The following NCS1 variants were observed in gnomAD, a reference collection of about 807,000 sequenced individuals.
NCS1 encodes neuronal calcium sensor 1.
In NCS1, 6 loss-of-function variants were observed where a neutral mutation model predicts 28.4. The ratio of observed to expected loss-of-function variants is 0.21; its 90% CI spans 0.12 to 0.42. The LOEUF (loss-of-function observed/expected upper bound fraction) is 0.42, where lower values mean the gene tolerates loss of function less well. Ranked by LOEUF, NCS1 falls within the 10% of genes least tolerant of loss-of-function variation. NCS1 has a pLI of 1.00. For synonymous variants in NCS1, 86 were observed against 99.3 expected (o/e 0.87, Z 0.79); for missense variants, 131 against 241.4 (o/e 0.54, Z 3.03).
chr9:130,196,737 C>A (rs1832882810), intron 1 of NCS1, among the ~76,000 whole-genome samples: 1 of 151,884 alleles, frequency 6.6e-6, no homozygotes, highest in Non-Finnish European at 1.5e-5. Flanking sequence ...GAGGGAGACT[C>A]CTCAAAAAAA....
At chr9:130,194,608 C>A (rs1343737351) in intron 1 of NCS1, among the ~76,000 whole-genome samples, 4 of 152,152 alleles carry the variant, frequency 2.6e-5, no homozygotes, top group Admixed American at 6.5e-5. Context: ...GGAGTTTATA[C>A]CCCATCCTAC....
intron 2 of NCS1, among the ~76,000 whole-genome samples, chr9:130,208,965 T>C (rs1356145008): frequency 1.3e-5 from 2 of 152,066 alleles, no homozygotes; most frequent in Non-Finnish European, 2.9e-5. Flanking sequence ...GCTTCTTGCT[T>C]TCTTGCTCTG....
intron 7 of NCS1, among the ~76,000 whole-genome samples, chr9:130,227,971 G>A (rs1588127231): frequency 6.6e-6 from 1 of 152,244 alleles, no homozygotes; most frequent in East Asian, 1.9e-4. Flanking sequence ...TCATCTGAAG[G>A]TTTGGCTGGT....
intron 1 of NCS1, among the ~76,000 whole-genome samples, chr9:130,183,239 A>C (rs554121315): frequency 5.1e-4 from 77 of 152,068 alleles, no homozygotes; most frequent in Non-Finnish European, 1.0e-3. Context: ...CAGTCTCTCC[A>C]TCTGTTCCAC....
chr9:130,189,831 G>A (rs1832789479), intron 1 of NCS1, among the ~76,000 whole-genome samples: 1 of 127,732 alleles, frequency 7.8e-6, no homozygotes, highest in South Asian at 2.5e-4. Context: ...CAGCCTGGGT[G>A]ACAGAGCTAG....
rs868934553 is a variant in NCS1 at position 130,219,577 on chromosome 9, C to G, written c.229-148C>G. 5.6e-6 allele frequency: 4 copies of G among 713,092 alleles called. No individual in the cohort carries two copies. The highest frequency in any genetic ancestry group is 3.5e-5 in the African/African-American group (2 of 57,600). The allele number at this position is 713,092 out of a possible 1,614,324, so 44.2% of individuals were successfully genotyped here. A position where few individuals can be genotyped will look rare whatever the true frequency, so the allele number is the denominator to read the frequency against. On this transcript the variant is annotated intron_variant, in intron 3 of 7. Coordinates refer to ENST00000372398, the MANE Select transcript of NCS1 (RefSeq NM_014286.4). The surrounding 1 kb of genome is among the most constrained non-coding windows in gnomAD (Gnocchi z 5.7). ...CCACCCTCTCCTTGCCTCTCGCCCC[C>G]CATTCCTTCGAGCCTGCCCTCTCCA...
In NCS1 at chr9:130,176,138, TTTTCTTTCTTTCTTTCTTTC is replaced by T. The variant is rs71387327; in HGVS notation, c.64+3451_64+3470del. ...ATCGTAATTAATGCTTATTTGTTCATTTTCTTTCTTTCTTTCTTTCTTTCTTTCTTTCTTTCTTTCTTTCT... is the reference window on the plus strand; with the variant it reads ...ATCGTAATTAATGCTTATTTGTTCATTTTCTTTCTTTCTTTCTTTCTTTCT... On this transcript the variant is annotated intron_variant, in intron 1 of 7. Transcript: ENST00000372398. Among the ~76,000 whole-genome samples the T allele has an allele frequency of 1.0e-2, 1,020 of 102,256 alleles. 21 individuals are homozygous for T. Among genetic ancestry groups the T allele is most frequent in the Middle Eastern group, 0.017 (3 of 176 alleles). 67.1% of individuals were successfully genotyped at this position (102,256 alleles called of 152,430 possible).
At chr9:130,178,789 C>G (rs112989060) in intron 1 of NCS1, among the ~76,000 whole-genome samples, 2 of 97,148 alleles carry the variant, frequency 2.1e-5, no homozygotes, top group South Asian at 3.5e-4. Context: ...ACATGAAAGA[C>G]AGATTCCAGA....
At chr9:130,183,541 G>A in intron 1 of NCS1, among the ~76,000 whole-genome samples, 1 of 152,192 alleles carries the variant, frequency 6.6e-6, no homozygotes, top group East Asian at 1.9e-4. Flanking sequence ...GCAGGGAAGT[G>A]GGTTCAGTGT....
intron 1 of NCS1, among the ~76,000 whole-genome samples, chr9:130,194,929 TCAG>T (rs1176905550): frequency 6.6e-6 from 1 of 152,186 alleles, no homozygotes; most frequent in Non-Finnish European, 1.5e-5. Flanking sequence ...AAAGGAGGAA[TCAG>T]CAGGTGTTTT....
chr9:130,223,004 G>T, intron 5 of NCS1, 78 bp from the exon 6 acceptor site: 1 of 1,274,100 alleles, frequency 7.8e-7, no homozygotes, highest in Non-Finnish European at 1.1e-6. Flanking sequence ...AAACTGCCAG[G>T]TCTGGGGGGC....
intron 1 of NCS1, among the ~76,000 whole-genome samples, chr9:130,182,939 A>G (rs955368662): frequency 1.3e-5 from 2 of 152,204 alleles, no homozygotes; most frequent in Admixed American, 1.3e-4. Context: ...CATGGTGGCC[A>G]AGGGGACCCC....
intron 1 of NCS1, among the ~76,000 whole-genome samples, chr9:130,178,324 C>T (rs1832603992): frequency 6.6e-6 from 1 of 152,240 alleles, no homozygotes; most frequent in Non-Finnish European, 1.5e-5. Flanking sequence ...GCCCAGCCTC[C>T]TCCTCACAGG....
Position 130,192,151 on chromosome 9 carries a change from G to T in NCS1, c.65-8807G>T, listed in dbSNP as rs902212427. On this transcript the variant is annotated intron_variant, in intron 1 of 7. Coordinates refer to ENST00000372398, the MANE Select transcript of NCS1 (RefSeq NM_014286.4). This position sits in a 1 kb window ranked among gnomAD's most constrained non-coding sequence, Gnocchi z 4.8. Reference sequence around the variant, plus strand: ...TGGTGGCAGACAGGTATGGGATTGGGAGTGGGGGGTGGTCTCTCTTCTCAC... The same window carrying T: ...TGGTGGCAGACAGGTATGGGATTGGTAGTGGGGGGTGGTCTCTCTTCTCAC... 2.6e-4 allele frequency among the ~76,000 whole-genome samples: 39 copies of T among 152,240 alleles called. 1 individual carries two copies. The highest frequency in any genetic ancestry group is 8.7e-4 in the African/African-American group (36 of 41,532).
At chr9:130,176,138 T>TTTTTTCTTTCTTTC (rs1564700638) in intron 1 of NCS1, among the ~76,000 whole-genome samples, 1 of 102,218 alleles carries the variant, frequency 9.8e-6, no homozygotes, top group Non-Finnish European at 1.9e-5. Flanking sequence ...TATTTGTTCA[T>TTTTTTCTTTCTTTC]TTTCTTTCTT....
At chr9:130,188,925 C>T (rs1189319300) in intron 1 of NCS1, among the ~76,000 whole-genome samples, 2 of 151,868 alleles carry the variant, frequency 1.3e-5, no homozygotes, top group Admixed American at 6.6e-5. Flanking sequence ...CCATGTTGGC[C>T]AGGCTGGTCT....
rs1832554510 is a variant in NCS1, at chr9:130,175,744, TG to T, written c.64+3020del. 6.6e-6 allele frequency among the ~76,000 whole-genome samples: 1 copy of T among 152,204 alleles called. No homozygotes were observed. Among genetic ancestry groups the T allele is most frequent in the Non-Finnish European group, 1.5e-5 (1 of 68,032 alleles). On this transcript the variant is annotated intron_variant, in intron 1 of 7. Transcript: ENST00000372398. The surrounding 1 kb of genome is among the most constrained non-coding windows in gnomAD (Gnocchi z 4.9). Reference sequence around the variant, plus strand: ...GCAGTGTGGCCCTCACTGGACACACTGGGATTCCACCTGGCTCAAACCCTAA... The same window carrying T: ...GCAGTGTGGCCCTCACTGGACACACTGGATTCCACCTGGCTCAAACCCTAA...
At chr9:130,217,802 A>G (rs935359357) in intron 2 of NCS1, 30 bp from the exon 3 acceptor site, 1 of 1,613,826 alleles carries the variant, frequency 6.2e-7, no homozygotes, top group African/African-American at 1.3e-5. Context: ...CGTCTCCTTT[A>G]CCCTCTCTGG....
chr9:130,195,894 G>A (rs1345975594), intron 1 of NCS1, among the ~76,000 whole-genome samples: 5 of 152,198 alleles, frequency 3.3e-5, no homozygotes, highest in East Asian at 1.9e-4. Context: ...GACTGCCTGC[G>A]TTCCTACCCT....
Sources: gnomAD v4.1 joint callset for allele counts (sites outside exome capture counted in the v4.1 genomes callset) on GRCh38, gnomAD v4.1.1 for gene constraint, Gnocchi (gnomAD v3.1) non-coding constraint, MANE v1.5 for transcripts, NCBI Gene and HGNC (gene_info 2026-07-23, HGNC 2026-07-21) for gene names.